Variants in PRKCD observed in about 807,000 individuals in gnomAD.
The protein encoded by PRKCD is protein kinase C delta type.
PRKCD carries 20 observed loss-of-function variants against 82.2 expected under a neutral mutation model. The observed-to-expected ratio is 0.24, with a 90% CI of 0.17 to 0.35. The LOEUF (loss-of-function observed/expected upper bound fraction) is 0.35, where lower values mean the gene tolerates loss of function less well. PRKCD is among the 10% of genes least tolerant of loss of function. PRKCD has a pLI of 1.00. For synonymous variants in PRKCD, 317 were observed against 337.0 expected (o/e 0.94, Z 0.65); for missense variants, 607 against 899.0 (o/e 0.68, Z 4.15).
At chr3:53,187,971 G>A (rs3773722) in intron 15 of PRKCD, among the ~76,000 whole-genome samples, 113,056 of 151,858 alleles carry the variant, frequency 0.74, 42,245 homozygotes, top group East Asian at 0.79. Context: ...CAGATCACCC[G>A]AGGTCAGGAG....
chr3:53,186,371 T>G (rs1553669104), intron 13 of PRKCD, 31 bp downstream of exon 13: 1 of 1,612,466 alleles, frequency 6.2e-7, no homozygotes, highest in Non-Finnish European at 8.5e-7. Flanking sequence ...CACCACCCCA[T>G]GCCACAGCCA....
At position 53,192,384 on chromosome 3, in the gene PRKCD, G is replaced by A. The variant is rs1201185869; in HGVS notation, c.*118G>A. The A allele has an allele frequency of 1.5e-5, 19 of 1,260,656 alleles. No individual in the cohort carries two copies. The highest frequency in any genetic ancestry group is 9.5e-5 in the South Asian group (7 of 73,914). The allele number at this position is 1,260,656 out of a possible 1,614,324, so 78.1% of individuals were successfully genotyped here. The stretch of plus-strand genomic sequence containing the variant: ...CTGGCCCCGCCCCTGCCCCCAGAGC[G>A]TCCTTGGCTGCCGTCTGGCCGGGCT... On this transcript the variant is annotated 3_prime_UTR_variant, in exon 19 of 19. Coordinates refer to ENST00000330452, the MANE Select transcript of PRKCD (RefSeq NM_006254.4).
Position 53,181,496 on chromosome 3 carries a change from C to T in PRKCD, c.429C>T (p.Asn143=). The T allele has an allele frequency of 6.2e-7, 1 of 1,614,218 alleles. No individual in the cohort carries two copies. Among genetic ancestry groups the T allele is most frequent in the Non-Finnish European group, 8.5e-7 (1 of 1,180,042 alleles). The change falls in exon 6 of 19, where the codon AAC becomes AAT. Residue 143 remains asparagine, a synonymous_variant. Transcript: ENST00000330452. ...ACGAGGCCAAGTTCCCAACGATGAACCGCCGCGGAGCCATCAAACAGGCCA... is the reference window on the plus strand; with the variant it reads ...ACGAGGCCAAGTTCCCAACGATGAATCGCCGCGGAGCCATCAAACAGGCCA... ...SEDEAKFPTM[N]RRGAIKQAKI...
At chr3:53,179,799 C>CGTGTGTGTGTGTGT in intron 4 of PRKCD, 23 bp downstream of exon 4, 4 of 1,409,564 alleles carry the variant, frequency 2.8e-6, no homozygotes, top group Non-Finnish European at 3.9e-6. Flanking sequence ...CGAGCCGTGC[C>CGTGTGTGTGTGTGT]GTGTGTGTGT....
intron 10 of PRKCD, among the ~76,000 whole-genome samples, chr3:53,185,374 C>T (rs1169015915): frequency 6.6e-6 from 1 of 152,198 alleles, no homozygotes; most frequent in Non-Finnish European, 1.5e-5. Flanking sequence ...GGTAGGGTTC[C>T]GTTTACAAAA....
chr3:53,166,681 C>T (rs1338714666), intron 2 of PRKCD, among the ~76,000 whole-genome samples: 1 of 152,242 alleles, frequency 6.6e-6, no homozygotes, highest in African/African-American at 2.4e-5. Flanking sequence ...GGAAGGGGTC[C>T]CTGGTCAGAG....
At chr3:53,183,956 G>T (rs1703568378) in intron 9 of PRKCD, among the ~76,000 whole-genome samples, 1 of 115,252 alleles carries the variant, frequency 8.7e-6, no homozygotes, top group Admixed American at 9.9e-5. Flanking sequence ...GACCCTGGAG[G>T]GAAAGCGGCT....
At chr3:53,171,110 G>A (rs967534038) in intron 2 of PRKCD, among the ~76,000 whole-genome samples, 2 of 152,152 alleles carry the variant, frequency 1.3e-5, no homozygotes, top group Admixed American at 6.5e-5. Context: ...TCGTGGAGAG[G>A]CCCGGCTGCA....
In PRKCD at chr3:53,169,393, G is replaced by T. The variant is rs970063969; in HGVS notation, c.-20+4178G>T. On this transcript the variant is annotated intron_variant, in intron 2 of 18. Coordinates refer to ENST00000330452, the MANE Select transcript of PRKCD (RefSeq NM_006254.4). This position sits in a 1 kb window ranked among gnomAD's most constrained non-coding sequence, Gnocchi z 4.7. ...GTGGGGGAGCATTTGAGAGGCCCAC[G>T]AACAGGACTGGGATGGCTGTCCCTC... Among the ~76,000 whole-genome samples, 7 of 152,150 alleles carry T rather than the reference G, an allele frequency of 4.6e-5. No homozygotes were observed. Among genetic ancestry groups the T allele is most frequent in the African/African-American group, 1.7e-4 (7 of 41,426 alleles).
chr3:53,170,935 TTCTG>T (rs1370530645), intron 2 of PRKCD, among the ~76,000 whole-genome samples: 1 of 144,846 alleles, frequency 6.9e-6, no homozygotes, highest in Non-Finnish European at 1.5e-5. Context: ...GCATGTGTGT[TTCTG>T]TGTGTGTGTG....
At chr3:53,181,650 G>C in intron 6 of PRKCD, 44 bp downstream of exon 6, 1 of 1,612,894 alleles carries the variant, frequency 6.2e-7, no homozygotes, top group Non-Finnish European at 8.5e-7. Flanking sequence ...AGGGTAGTGG[G>C]GGCCGATCCC....
At chr3:53,174,406 G>A (rs1288659555) in intron 2 of PRKCD, among the ~76,000 whole-genome samples, 5 of 152,204 alleles carry the variant, frequency 3.3e-5, no homozygotes, top group Non-Finnish European at 5.9e-5. Flanking sequence ...TCGAGCCCCC[G>A]GCACCCCCTG....
intron 4 of PRKCD, among the ~76,000 whole-genome samples, 154 bp from the exon 5 acceptor site, chr3:53,181,053 G>A (rs1220626079): frequency 2.0e-5 from 3 of 152,044 alleles, no homozygotes; most frequent in Non-Finnish European, 4.4e-5. Flanking sequence ...GGCTCAGGCG[G>A]GGCCCTGCCC....
rs1215604991 is a variant in PRKCD at position 53,178,534 on chromosome 3, A to G, written c.112A>G (p.Thr38Ala). 6.2e-7 allele frequency: 1 copy of G among 1,612,212 alleles called. No homozygotes were observed. Among genetic ancestry groups the G allele is most frequent in the Non-Finnish European group, 8.5e-7 (1 of 1,179,394 alleles). Residue 38 changes from threonine (T) to alanine (A), a missense_variant, in exon 3 of 19, where the codon ACA becomes GCA. By Grantham distance (58) the Thr-to-Ala change is moderately conservative (BLOSUM62 0). Coordinates refer to ENST00000330452, the MANE Select transcript of PRKCD (RefSeq NM_006254.4). ...CGTGAAGATGAAGGAGGCGCTCAGCACAGGTAGGCCTGGAGGCTGGACCCT... is the reference window on the plus strand; with the variant it reads ...CGTGAAGATGAAGGAGGCGCTCAGCGCAGGTAGGCCTGGAGGCTGGACCCT... ...CAVKMKEALS[T>A]ERGKTLVQKK...
In PRKCD at chr3:53,178,385, C is replaced by T; in HGVS notation, c.-19-19C>T. ...CTGGTCCCGCCCGGCCGCCTGGCCT[C>T]ACCCCTCTGTGTGCACAGCCCCACT... On this transcript the variant is annotated intron_variant, in intron 2 of 18. Transcript: ENST00000330452. 6.3e-7 allele frequency: 1 copy of T among 1,574,900 alleles called. No homozygotes were observed. The highest frequency in any genetic ancestry group is 8.7e-7 in the Non-Finnish European group (1 of 1,151,850).
At chr3:53,170,084 G>A (rs141747280) in intron 2 of PRKCD, among the ~76,000 whole-genome samples, 19 of 152,354 alleles carry the variant, frequency 1.2e-4, no homozygotes, top group Non-Finnish European at 2.5e-4. Context: ...TGGCCATCTT[G>A]CCTTCTCCCA....
rs563899168 is a variant in PRKCD at position 53,176,635 on chromosome 3, G to A, written c.-19-1769G>A. Among the ~76,000 whole-genome samples, 4 of 152,380 alleles carry A rather than the reference G, an allele frequency of 2.6e-5. No homozygotes were observed. The East Asian group carries it at 5.8e-4, about 22-fold the overall frequency. On this transcript the variant is annotated intron_variant, in intron 2 of 18. Coordinates refer to ENST00000330452, the MANE Select transcript of PRKCD (RefSeq NM_006254.4). ...CCTTGTGGGGCCTGGGCAGGAGCCA[G>A]TGTGCACATAGGTGCTTGCACACCT...
In PRKCD at chr3:53,190,017, C is replaced by T; in HGVS notation, c.1872+16C>T. ...GCCCAAAGTGGTATGTGATCCTGCC[C>T]TGTGCTGCCTTCAGGCTGAGCTACT... is the stretch of plus-strand genomic sequence containing the variant. On this transcript the variant is annotated intron_variant, in intron 18 of 18. Coordinates refer to ENST00000330452, the MANE Select transcript of PRKCD (RefSeq NM_006254.4). 1 of 1,613,404 alleles carries T rather than the reference C, an allele frequency of 6.2e-7. No homozygotes were observed. The highest frequency in any genetic ancestry group is 8.5e-7 in the Non-Finnish European group (1 of 1,179,724).
chr3:53,178,187 C>A (rs934893020), intron 2 of PRKCD, among the ~76,000 whole-genome samples: 2 of 152,190 alleles, frequency 1.3e-5, no homozygotes, highest in African/African-American at 2.4e-5. Context: ...ATCTGCCTAC[C>A]TTGGCCTCCC....
Sources: gnomAD v4.1 joint callset for allele counts (sites outside exome capture counted in the v4.1 genomes callset) on GRCh38, gnomAD v4.1.1 for gene constraint, Gnocchi (gnomAD v3.1) non-coding constraint, MANE v1.5 for transcripts, NCBI Gene and HGNC (gene_info 2026-07-23, HGNC 2026-07-21) for gene names.